COL26A1: variants seen among roughly 807,000 people sequenced by gnomAD.
COL26A1 encodes the protein collagen type XXVI alpha 1 chain.
In COL26A1, 41 loss-of-function variants were observed where a neutral mutation model predicts 59.3. The observed-to-expected ratio is 0.69, with a 90% CI of 0.54 to 0.90. The LOEUF (loss-of-function observed/expected upper bound fraction) is 0.90. Ranked by LOEUF, COL26A1 falls within the 40% of genes least tolerant of loss-of-function variation. COL26A1 has a pLI of 0.00. For synonymous variants in COL26A1, 266 were observed against 256.0 expected, an observed-to-expected ratio of 1.04 and a Z score of -0.37; for missense variants, 612 against 602.3, an observed-to-expected ratio of 1.02 and a Z score of -0.17.
intron 3 of COL26A1, among the ~76,000 whole-genome samples, chr7:101,504,071 T>G (rs1160452173): frequency 2.0e-5 from 3 of 152,130 alleles, no homozygotes; most frequent in Non-Finnish European, 4.4e-5. Flanking sequence ...CCAGTGTCCC[T>G]GAGCTCACTA....
chr7:101,543,950 G>A, intron 5 of COL26A1, 48 bp from the exon 6 acceptor site: 1 of 1,395,318 alleles, frequency 7.2e-7, no homozygotes, highest in Non-Finnish European at 9.9e-7. Flanking sequence ...AGCCACTGGA[G>A]GCTGGGGGTC....
chr7:101,502,966 CCTT>C (rs539540267), intron 3 of COL26A1, among the ~76,000 whole-genome samples: 206 of 152,310 alleles, frequency 1.4e-3, no homozygotes, highest in African/African-American at 4.6e-3. Flanking sequence ...GCTGCCTCCT[CCTT>C]CTCAGGGTGA....
intron 3 of COL26A1, among the ~76,000 whole-genome samples, chr7:101,490,945 A>T (rs1210862788): frequency 1.4e-5 from 2 of 147,068 alleles, no homozygotes; most frequent in Non-Finnish European, 3.0e-5. Context: ...AGATCACGCC[A>T]CTGCACTCCA....
intron 3 of COL26A1, among the ~76,000 whole-genome samples, chr7:101,512,448 T>C (rs1794945917): frequency 2.2e-5 from 3 of 135,246 alleles, no homozygotes. Context: ...CTGAGAGCCC[T>C]GTCTCTACAA....
At chr7:101,553,401 C>G in intron 11 of COL26A1, 25 bp downstream of exon 11, 1 of 1,610,140 alleles carries the variant, frequency 6.2e-7, no homozygotes, top group East Asian at 2.2e-5. Context: ...CCTTCACGTT[C>G]CCTCCCGCCT....
At chr7:101,463,039 G>A (rs975293269) in intron 3 of COL26A1, among the ~76,000 whole-genome samples, 1 of 152,234 alleles carries the variant, frequency 6.6e-6, no homozygotes, top group Non-Finnish European at 1.5e-5. Context: ...TGATTGACAA[G>A]CCAGAAGTGG....
intron 2 of COL26A1, among the ~76,000 whole-genome samples, chr7:101,440,127 A>C (rs1036013166): frequency 2.6e-5 from 4 of 152,110 alleles, no homozygotes; most frequent in Non-Finnish European, 2.9e-5. Flanking sequence ...GCACTTTGGG[A>C]GGTCAAAGTG....
rs771044095 is a variant in COL26A1 at position 101,420,139 on chromosome 7, C to A, written c.281+40C>A. ...GCTAGGCTGCTCTGCCCTTCCCTCC[C>A]ATTCCCTCGGACAAAACCAGTCCCA... is the stretch of plus-strand genomic sequence containing the variant. On this transcript the variant is annotated intron_variant, in intron 2 of 12. Transcript: ENST00000313669. 9 of 1,605,768 alleles carry A rather than the reference C, an allele frequency of 5.6e-6. No homozygotes were observed. In the African/African-American group the frequency reaches 1.2e-4, roughly 21 times the overall value.
intron 2 of COL26A1, among the ~76,000 whole-genome samples, chr7:101,421,340 C>T (rs1792513878): frequency 6.6e-6 from 1 of 152,144 alleles, no homozygotes; most frequent in Non-Finnish European, 1.5e-5. Flanking sequence ...GGCCCACCCA[C>T]ATTATAGAGG....
At chr7:101,505,472 G>T (rs1269167277) in intron 3 of COL26A1, among the ~76,000 whole-genome samples, 1 of 152,090 alleles carries the variant, frequency 6.6e-6, no homozygotes, top group Non-Finnish European at 1.5e-5. Flanking sequence ...GGAAAGAGGA[G>T]TTTGTTAAGG....
intron 3 of COL26A1, among the ~76,000 whole-genome samples, chr7:101,457,903 TTTTTTTTTTTTG>T (rs1355045834): frequency 8.9e-6 from 1 of 112,500 alleles, no homozygotes; most frequent in African/African-American, 3.5e-5. Flanking sequence ...ACTTTTTTTT[TTTTTTTTTTTTG>T]AAATGGAGTC....
intron 2 of COL26A1, among the ~76,000 whole-genome samples, chr7:101,434,832 G>A (rs1337275370): frequency 6.6e-6 from 1 of 152,210 alleles, no homozygotes; most frequent in Admixed American, 6.5e-5. Context: ...TCTGAGCAGT[G>A]AAGGGCCAGG....
chr7:101,539,763 G>A (rs1041756004), intron 4 of COL26A1, 130 bp from the exon 5 acceptor site: 6 of 907,820 alleles, frequency 6.6e-6, no homozygotes, highest in East Asian at 3.0e-5. Flanking sequence ...CCACTAAGGA[G>A]CGTGACGGGG....
Position 101,473,009 on chromosome 7 carries a change from TC to T in COL26A1, c.385+25223del, listed in dbSNP as rs547125856. Among the ~76,000 whole-genome samples the T allele has an allele frequency of 3.7e-3, 563 of 152,310 alleles. 4 individuals carry two copies. The highest frequency in any genetic ancestry group is 5.9e-3 in the Non-Finnish European group (398 of 68,026). ...TTCTCTTACAGGCTTGGAGTTTTCT[TC>T]TTTTTTTCTCAATTGCCTATATGTT... On this transcript the variant is annotated intron_variant, in intron 3 of 12. Coordinates refer to ENST00000313669, the MANE Select transcript of COL26A1 (RefSeq NM_001278563.3).
chr7:101,555,927 C>A, intron 12 of COL26A1, 56 bp downstream of exon 12: 1 of 1,426,382 alleles, frequency 7.0e-7, no homozygotes, highest in East Asian at 2.5e-5. Context: ...CTTCCTCTCC[C>A]AATGCTGCCC....
chr7:101,542,291 C>T (rs376740734), intron 5 of COL26A1, among the ~76,000 whole-genome samples: 48 of 152,120 alleles, frequency 3.2e-4, no homozygotes, highest in African/African-American at 9.6e-4. Flanking sequence ...TTAGTAGAGA[C>T]GGGGTTTCAC....
chr7:101,412,659 A>G (rs984379686), intron 1 of COL26A1, among the ~76,000 whole-genome samples: 11 of 151,792 alleles, frequency 7.2e-5, no homozygotes, highest in African/African-American at 2.7e-4. Flanking sequence ...AAAAAAAAAA[A>G]AAAAAAAAGT....
At chr7:101,462,233 T>A (rs192305820) in intron 3 of COL26A1, among the ~76,000 whole-genome samples, 1 of 151,806 alleles carries the variant, frequency 6.6e-6, no homozygotes, top group Non-Finnish European at 1.5e-5. Flanking sequence ...CCCCTGACCT[T>A]GTGATCCACC....
intron 2 of COL26A1, among the ~76,000 whole-genome samples, chr7:101,423,596 G>A (rs1000689295): frequency 1.3e-5 from 2 of 151,992 alleles, no homozygotes; most frequent in Admixed American, 1.3e-4. Context: ...TTAGCTGAGT[G>A]TGGTGCCACA....
Sources: allele counts gnomAD v4.1 joint callset (sites outside exome capture counted in the v4.1 genomes callset), GRCh38; gene constraint gnomAD v4.1.1; transcripts MANE v1.5; gene names NCBI Gene and HGNC (gene_info 2026-07-23, HGNC 2026-07-21).